CSMD1: variants seen among roughly 807,000 people sequenced by gnomAD.
CSMD1 encodes the protein CUB and sushi domain-containing protein 1.
In CSMD1, 213 loss-of-function variants were observed where a neutral mutation model predicts 417.5. The observed-to-expected ratio is 0.51, with a 90% CI of 0.46 to 0.57. The LOEUF (loss-of-function observed/expected upper bound fraction) is 0.57. CSMD1 is among the 20% of genes least tolerant of loss of function. The pLI is 0.00. For synonymous variants in CSMD1, 2,862 were observed against 1,736.8 expected (o/e 1.65, Z -16.11); for missense variants, 6,923 against 4,529.7 (o/e 1.53, Z -15.17).
chr8:4,751,753 T>A (rs752705980), intron 1 of CSMD1, among the ~76,000 whole-genome samples: 57 of 152,184 alleles, frequency 3.7e-4, no homozygotes, highest in South Asian at 8.3e-4. Flanking sequence ...AGGAGCTTGG[T>A]GTCTGACATT....
rs540991198 is a variant in CSMD1, at chr8:4,244,275, C to T, written c.415+175678G>A. ...GAGCACAGGGGCACTGAGAGCAGGC[C>T]CCCGGGTCTTCGGGAAACACTATGC... is the stretch of plus-strand genomic sequence containing the variant. On this transcript the variant is annotated intron_variant, in intron 3 of 69. Coordinates refer to ENST00000635120, the MANE Select transcript of CSMD1 (RefSeq NM_033225.6). Among the ~76,000 whole-genome samples the T allele has an allele frequency of 3.3e-5, 5 of 152,216 alleles. No homozygotes were observed. The South Asian group carries it at 8.3e-4, about 25-fold the overall frequency.
intron 41 of CSMD1, among the ~76,000 whole-genome samples, chr8:3,126,008 T>A (rs1052390528): frequency 6.6e-6 from 1 of 152,094 alleles, no homozygotes; most frequent in African/African-American, 2.4e-5. Flanking sequence ...TAGAGAATCA[T>A]CAACACATGA....
At chr8:3,451,368 T>A (rs10111301) in intron 12 of CSMD1, among the ~76,000 whole-genome samples, 94,555 of 151,962 alleles carry the variant, frequency 0.62, 29,719 homozygotes, top group African/African-American at 0.69. Flanking sequence ...GCTTTTGGTG[T>A]TTTAGACATG....
At chr8:4,138,244 G>T in intron 3 of CSMD1, among the ~76,000 whole-genome samples, 1 of 140,078 alleles carries the variant, frequency 7.1e-6, no homozygotes. Flanking sequence ...TAACTGATGG[G>T]TTTTCCTTTT....
intron 2 of CSMD1, among the ~76,000 whole-genome samples, chr8:4,493,532 C>T (rs944479946): frequency 7.2e-5 from 11 of 152,056 alleles, no homozygotes; most frequent in Admixed American, 2.0e-4. Context: ...CCCATCTCTA[C>T]GAAAACATTT....
chr8:3,281,165 G>T (rs1057142609), intron 26 of CSMD1, among the ~76,000 whole-genome samples: 1 of 152,184 alleles, frequency 6.6e-6, no homozygotes, highest in African/African-American at 2.4e-5. Flanking sequence ...TAAACAGGCT[G>T]GGCGAGGTGG....
At chr8:3,970,298 G>C (rs968113551) in intron 5 of CSMD1, among the ~76,000 whole-genome samples, 1 of 152,140 alleles carries the variant, frequency 6.6e-6, no homozygotes, top group Admixed American at 6.5e-5. Context: ...GTCTTTCTAA[G>C]AGTAGAGGCA....
At chr8:4,467,832 G>A (rs1271109373) in intron 2 of CSMD1, among the ~76,000 whole-genome samples, 1 of 152,148 alleles carries the variant, frequency 6.6e-6, no homozygotes, top group Non-Finnish European at 1.5e-5. Flanking sequence ...CAAACTCAAT[G>A]AAATAATTGG....
chr8:4,264,438 C>G (rs1003522561), intron 3 of CSMD1, among the ~76,000 whole-genome samples: 8 of 152,102 alleles, frequency 5.3e-5, no homozygotes, highest in Admixed American at 3.3e-4. Flanking sequence ...TTTAATAAAA[C>G]AAATTACTGG....
intron 1 of CSMD1, among the ~76,000 whole-genome samples, chr8:4,702,750 G>T (rs1478236229): frequency 6.6e-6 from 1 of 152,094 alleles, no homozygotes; most frequent in Non-Finnish European, 1.5e-5. Context: ...TCTGTGGAAG[G>T]AAAGAAAGAG....
At chr8:4,884,045 GTC>G (rs1251665258) in intron 1 of CSMD1, among the ~76,000 whole-genome samples, 2 of 151,980 alleles carry the variant, frequency 1.3e-5, no homozygotes, top group African/African-American at 4.8e-5. Flanking sequence ...GTCAAATGGT[GTC>G]TCACTATGGT....
At chr8:3,739,945 C>G (rs1335743603) in intron 6 of CSMD1, among the ~76,000 whole-genome samples, 1 of 152,130 alleles carries the variant, frequency 6.6e-6, no homozygotes, top group Non-Finnish European at 1.5e-5. Context: ...TACAGAGAAA[C>G]TAATGCCAGA....
rs527455873 is a variant in CSMD1, at chr8:4,015,195, C to T, written c.610+16710G>A. 1.1e-4 allele frequency among the ~76,000 whole-genome samples: 17 copies of T among 152,290 alleles called. No homozygotes were observed. In the South Asian group the frequency reaches 3.5e-3, roughly 32 times the overall value. Reference sequence around the variant, plus strand: ...TCCCATTCAGTCTTACTTTGTATTTCTTGTCCTGACGTGACAGATCATTTA... The same window carrying T: ...TCCCATTCAGTCTTACTTTGTATTTTTTGTCCTGACGTGACAGATCATTTA... On this transcript the variant is annotated intron_variant, in intron 4 of 69. Coordinates refer to ENST00000635120, the MANE Select transcript of CSMD1 (RefSeq NM_033225.6).
At chr8:3,468,856 G>A (rs753389074) in intron 11 of CSMD1, 32 bp from the exon 12 acceptor site, 22 of 1,446,934 alleles carry the variant, frequency 1.5e-5, no homozygotes, top group Non-Finnish European at 2.0e-5. Flanking sequence ...AAGCTTTTAG[G>A]TAAGGCAACA....
chr8:4,177,974 G>T (rs10104668), intron 3 of CSMD1, among the ~76,000 whole-genome samples: 42,288 of 151,988 alleles, frequency 0.28, 6,163 homozygotes, highest in South Asian at 0.41. Flanking sequence ...GGATCATATG[G>T]ACTCACAGCC....
chr8:3,831,340 T>C (rs971001240), intron 5 of CSMD1, among the ~76,000 whole-genome samples: 5 of 152,178 alleles, frequency 3.3e-5, no homozygotes, highest in Non-Finnish European at 1.5e-5. Flanking sequence ...TGTCTCCTTC[T>C]GGAATTATTA....
intron 2 of CSMD1, among the ~76,000 whole-genome samples, chr8:4,586,925 G>C (rs1799728538): frequency 1.3e-5 from 2 of 152,162 alleles, no homozygotes; most frequent in African/African-American, 4.8e-5. Context: ...ATAAATAAAT[G>C]AGAACTTGCA....
chr8:3,459,286 G>T (rs1315183984), intron 12 of CSMD1, among the ~76,000 whole-genome samples: 3 of 152,180 alleles, frequency 2.0e-5, no homozygotes, highest in Non-Finnish European at 2.9e-5. Context: ...GTGAGGCGAG[G>T]AGAGACAGGC....
At chr8:4,588,554 G>A (rs1028677521) in intron 2 of CSMD1, among the ~76,000 whole-genome samples, 4 of 151,676 alleles carry the variant, frequency 2.6e-5, no homozygotes, top group Admixed American at 6.6e-5. Flanking sequence ...CAGCCCTTTC[G>A]GAGGCCGAGT....
Sources: gnomAD v4.1 joint callset for allele counts (sites outside exome capture counted in the v4.1 genomes callset) on GRCh38, gnomAD v4.1.1 for gene constraint, MANE v1.5 for transcripts, NCBI Gene and HGNC (gene_info 2026-07-23, HGNC 2026-07-21) for gene names.